The following C3 variants were observed in gnomAD, a reference collection of about 807,000 sequenced individuals.
C3 encodes the protein complement C3.
In C3, 97 loss-of-function variants were observed where a neutral mutation model predicts 207.9. That is an observed-to-expected ratio of 0.47 (90% confidence interval 0.40 to 0.55). The LOEUF (loss-of-function observed/expected upper bound fraction) is 0.55. C3 is among the 20% of genes least tolerant of loss of function. The pLI is 0.00. For missense variants in C3, 1,684 were observed against 2,171.7 expected (o/e 0.78, Z 4.46); for synonymous variants, 848 against 857.6 (o/e 0.99, Z 0.20).
rs1917880346 is a variant in C3 at position 6,682,131 on chromosome 19, G to A, written c.4260+11C>T. 1 of 1,611,942 alleles carries A rather than the reference G, an allele frequency of 6.2e-7. No homozygotes were observed. The highest frequency in any genetic ancestry group is 1.1e-5 in the South Asian group (1 of 91,034). On this transcript the variant is annotated intron_variant, in intron 34 of 40. Coordinates refer to ENST00000245907, the MANE Select transcript of C3 (RefSeq NM_000064.4). ...CCTTTCCACTTATCCCAGCTCCTGA[G>A]CCCTTCATACCTGCTTCAGGTCATC...
rs538396035 is a variant in C3 at position 6,719,857 on chromosome 19, G to A, written c.75-454C>T. ...ACTCTACCTACCCAAACCCACATAC[G>A]CCAAAACCTCTAAACCTCAAATCTT... On this transcript the variant is annotated intron_variant, in intron 1 of 40. Coordinates refer to ENST00000245907, the MANE Select transcript of C3 (RefSeq NM_000064.4). The surrounding 1 kb of genome is among the most constrained non-coding windows in gnomAD (Gnocchi z 5.4). Among the ~76,000 whole-genome samples the A allele has an allele frequency of 1.3e-5, 2 of 151,892 alleles. No individual in the cohort carries two copies. Among genetic ancestry groups the A allele is most frequent in the South Asian group, 2.1e-4 (1 of 4,798 alleles).
rs778849478 is a variant in C3 at position 6,719,454 on chromosome 19, G to A, written c.75-51C>T. ...GCTTGTCATTCCACGGATGTGAGAC[G>A]CCAGTCCTCACTGGAGTCAGCGCCT... On this transcript the variant is annotated intron_variant, in intron 1 of 40. Coordinates refer to ENST00000245907, the MANE Select transcript of C3 (RefSeq NM_000064.4). This position sits in a 1 kb window ranked among gnomAD's most constrained non-coding sequence, Gnocchi z 5.4. The A allele has an allele frequency of 7.8e-6, 12 of 1,541,006 alleles. No individual in the cohort carries two copies. The highest frequency in any genetic ancestry group is 2.7e-5 in the African/African-American group (2 of 73,414).
At chr19:6,686,100 C>T in intron 29 of C3, 24 bp downstream of exon 29, 1 of 1,613,102 alleles carries the variant, frequency 6.2e-7, no homozygotes, top group Non-Finnish European at 8.5e-7. Context: ...GATGCATGTG[C>T]CTAGGGGCTG....
intron 27 of C3, among the ~76,000 whole-genome samples, chr19:6,689,091 T>C (rs1391479466): frequency 6.6e-6 from 1 of 152,238 alleles, no homozygotes; most frequent in Non-Finnish European, 1.5e-5. Flanking sequence ...CTCTATTTGA[T>C]GCCTTGGTGC....
intron 7 of C3, chr19:6,713,787 C>T: frequency 3.7e-6 from 1 of 270,464 alleles, no homozygotes; most frequent in South Asian, 2.4e-5. Context: ...CCCCAGCCCC[C>T]CACCTGGTCC....
At chr19:6,686,408 T>G in intron 28 of C3, 121 bp from the exon 29 acceptor site, 1 of 1,072,236 alleles carries the variant, frequency 9.3e-7, no homozygotes, top group Non-Finnish European at 1.4e-6. Context: ...CTGGCTGACA[T>G]TCGAGGCTCT....
chr19:6,684,496 A>C, intron 32 of C3, 57 bp from the exon 33 acceptor site: 1 of 1,579,618 alleles, frequency 6.3e-7, no homozygotes, highest in Non-Finnish European at 8.7e-7. Context: ...TTGATTCAGG[A>C]GCGGGGAAGA....
chr19:6,718,338 G>C lies in C3; in HGVS notation c.342C>G (p.Thr114=). 1.9e-6 allele frequency: 3 copies of C among 1,614,202 alleles called. No homozygotes were observed. In the South Asian group the frequency reaches 3.3e-5, roughly 18 times the overall value. The part of the protein sequence containing the change: ...KFVTVQATFG[T]QVVEKVVLVS... ...CCAGCACCACCTTCTCCACCACTTGGGTCCCGAAGGTGGCCTGCACGGTCA... is the reference window on the plus strand; with the variant it reads ...CCAGCACCACCTTCTCCACCACTTGCGTCCCGAAGGTGGCCTGCACGGTCA... Residue 114 remains threonine (T), a synonymous_variant, in exon 3 of 41, where the codon ACC becomes ACG. Coordinates refer to ENST00000245907, the MANE Select transcript of C3 (RefSeq NM_000064.4).
intron 14 of C3, 62 bp downstream of exon 14, chr19:6,709,619 ACCT>A: frequency 2.3e-6 from 1 of 432,322 alleles, no homozygotes; most frequent in Non-Finnish European, 4.0e-6. Context: ...AGTCCCACCC[ACCT>A]CCCCCAGCCC....
chr19:6,702,643 A>G (rs557419488), intron 17 of C3, 64 bp from the exon 18 acceptor site: 5 of 1,165,112 alleles, frequency 4.3e-6, no homozygotes, highest in African/African-American at 1.5e-5. Flanking sequence ...CATGCCTGAA[A>G]TCCCAGCACT....
Position 6,678,090 on chromosome 19 carries a change from T to G in C3, c.4850+62A>C, listed in dbSNP as rs988674147. On this transcript the variant is annotated intron_variant, in intron 40 of 40. Coordinates refer to ENST00000245907, the MANE Select transcript of C3 (RefSeq NM_000064.4). ...GCGTGGCGCAGGGGCGTGACAATGG[T>G]GTGGGCGTGGCATGGGCGGGGCAGT... is the stretch of plus-strand genomic sequence containing the variant. 7 of 1,613,488 alleles carry G rather than the reference T, an allele frequency of 4.3e-6. 1 individual carries two copies. The African/African-American group carries it at 5.4e-5, about 12-fold the overall frequency.
At chr19:6,717,485 CT>C (rs1280819184) in intron 4 of C3, 1 of 192,526 alleles carries the variant, frequency 5.2e-6, no homozygotes, top group Non-Finnish European at 1.0e-5. Flanking sequence ...GTTGTGTGTG[CT>C]ATGTTTGTGT....
chr19:6,703,748 G>C (rs968172007), intron 17 of C3, among the ~76,000 whole-genome samples: 1 of 151,970 alleles, frequency 6.6e-6, no homozygotes, highest in Non-Finnish European at 1.5e-5. Flanking sequence ...CCCAGACCTG[G>C]TGCAGAACAC....
In C3 at chr19:6,700,429, G is replaced by GAT. The variant is rs1249149416; in HGVS notation, c.2440+1696_2440+1697dup. On this transcript the variant is annotated intron_variant, in intron 19 of 40. Transcript: ENST00000245907. ...ATGATATATTATATATGTAATATAT[G>GAT]ATATATGTAATATGATATATGTAAT... Among the ~76,000 whole-genome samples the GAT allele has an allele frequency of 6.7e-4, 30 of 44,926 alleles. 5 individuals are homozygous for GAT. Among genetic ancestry groups the GAT allele is most frequent in the South Asian group, 7.6e-4 (1 of 1,324 alleles). 29.5% of individuals were successfully genotyped at this position (44,926 alleles called of 152,430 possible).
intron 27 of C3, among the ~76,000 whole-genome samples, chr19:6,687,558 A>C (rs1434712860): frequency 2.0e-5 from 3 of 152,164 alleles, no homozygotes; most frequent in Non-Finnish European, 4.4e-5. Context: ...GGGGGAAGAC[A>C]TGATTTGTAC....
rs746356796 is a variant in C3, at chr19:6,694,660, G to A, written c.2951-26C>T. 7 of 1,602,572 alleles carry A rather than the reference G, an allele frequency of 4.4e-6. No homozygotes were observed. The East Asian group carries it at 1.3e-4, about 31-fold the overall frequency. ...CTGCAGCAGGTGGGAAGAGGACGTT[G>A]CTCAAGCCAGGTGGGTGACCCACCT... On this transcript the variant is annotated intron_variant, in intron 23 of 40. Transcript: ENST00000245907.
chr19:6,679,328 G>T, intron 37 of C3, 79 bp downstream of exon 37: 1 of 1,437,602 alleles, frequency 7.0e-7, no homozygotes, highest in East Asian at 2.3e-5. Context: ...TGGGTCTGGG[G>T]GTCCCTGACC....
intron 25 of C3, 79 bp downstream of exon 25, chr19:6,693,333 A>C: frequency 7.1e-7 from 1 of 1,416,898 alleles, no homozygotes; most frequent in South Asian, 1.2e-5. Flanking sequence ...CTAAGGGACC[A>C]CCCCTGGCCA....
intron 14 of C3, among the ~76,000 whole-genome samples, chr19:6,708,241 A>C (rs921081104): frequency 2.0e-5 from 3 of 151,454 alleles, no homozygotes; most frequent in Non-Finnish European, 4.4e-5. Flanking sequence ...GGTTCAGGCA[A>C]TTTTCCTGCC....
Sources: allele counts gnomAD v4.1 joint callset (sites outside exome capture counted in the v4.1 genomes callset), GRCh38; gene constraint gnomAD v4.1.1; non-coding constraint Gnocchi (gnomAD v3.1); transcripts MANE v1.5; gene names NCBI Gene and HGNC (gene_info 2026-07-23, HGNC 2026-07-21).